The following RAB40B variants were observed in gnomAD, a reference collection of about 807,000 sequenced individuals.
RAB40B encodes the protein RAB40B, member RAS oncogene family.
RAB40B carries 21 observed loss-of-function variants against 24.0 expected under a neutral mutation model. The ratio of observed to expected loss-of-function variants is 0.88; its 90% confidence interval spans 0.62 to 1.26. The LOEUF is 1.26. RAB40B is among the 50% of genes most tolerant of loss of function. RAB40B has a pLI of 0.00. For missense variants in RAB40B, 348 were observed against 390.5 expected, an observed-to-expected ratio of 0.89 and a Z score of 0.92; for synonymous variants, 167 against 169.8, an observed-to-expected ratio of 0.98 and a Z score of 0.13.
Position 82,664,438 on chromosome 17 carries a change from C to G in RAB40B, c.203+58G>C, listed in dbSNP as rs907552622. ...CACTGTGCTGACAGGGGGTGCTATG[C>G]CAGCCAGGGGGGTTACTCCCTGGGG... On this transcript the variant is annotated intron_variant, in intron 2 of 5. Transcript: ENST00000571995. 32 of 1,562,764 alleles carry G rather than the reference C, an allele frequency of 2.0e-5. No homozygotes were observed. In the Middle Eastern group the frequency reaches 9.2e-4, roughly 45 times the overall value.
chr17:82,674,397 C>T (rs1410323240), intron 1 of RAB40B, among the ~76,000 whole-genome samples: 1 of 149,388 alleles, frequency 6.7e-6, no homozygotes, highest in Non-Finnish European at 1.5e-5. Context: ...TTTGGGAGGC[C>T]AAGGTGGGCG....
chr17:82,674,076 C>T (rs568944157), intron 1 of RAB40B, among the ~76,000 whole-genome samples: 4 of 152,340 alleles, frequency 2.6e-5, no homozygotes, highest in African/African-American at 4.8e-5. Context: ...CGCGGTGGCT[C>T]GCGCCTGTAA....
At chr17:82,685,806 CT>C (rs36094405) in intron 1 of RAB40B, among the ~76,000 whole-genome samples, 94,834 of 136,778 alleles carry the variant, frequency 0.69, 33,210 homozygotes, top group Non-Finnish European at 0.78. Context: ...TCTTCTTCTT[CT>C]TTTTTTTTTT....
rs933505714 is a variant in RAB40B at position 82,663,468 on chromosome 17, C to G, written c.203+1028G>C. On this transcript the variant is annotated intron_variant, in intron 2 of 5. Transcript: ENST00000571995. This position sits in a 1 kb window ranked among gnomAD's most constrained non-coding sequence, Gnocchi z 6.2. ...AGAGCTGGAACCGCAGGAGCTCCCCCCATCCCAAGCCAAGAGCGGGTGGAG... is the reference window on the plus strand; with the variant it reads ...AGAGCTGGAACCGCAGGAGCTCCCCGCATCCCAAGCCAAGAGCGGGTGGAG... 5.9e-5 allele frequency among the ~76,000 whole-genome samples: 9 copies of G among 152,136 alleles called. No homozygotes were observed. The highest frequency in any genetic ancestry group is 2.1e-4 in the South Asian group (1 of 4,834).
In RAB40B at chr17:82,664,575, C is replaced by A; in HGVS notation, c.143-19G>T. 1 of 1,611,922 alleles carries A rather than the reference C, an allele frequency of 6.2e-7. No individual in the cohort carries two copies. The highest frequency in any genetic ancestry group is 8.5e-7 in the Non-Finnish European group (1 of 1,178,520). On this transcript the variant is annotated intron_variant, in intron 1 of 5. Transcript: ENST00000571995. ...TCGATGCCTGCGGAAGGGTTAGAGA[C>A]GGCTTAGGCCTGAGGCTGCAGCTAA...
Position 82,667,325 on chromosome 17 carries a change from C to T in RAB40B, c.143-2769G>A, listed in dbSNP as rs936271386. Among the ~76,000 whole-genome samples the T allele has an allele frequency of 6.6e-6, 1 of 152,242 alleles. No homozygotes were observed. Among genetic ancestry groups the T allele is most frequent in the Non-Finnish European group, 1.5e-5 (1 of 68,040 alleles). On this transcript the variant is annotated intron_variant, in intron 1 of 5. Coordinates refer to ENST00000571995, the MANE Select transcript of RAB40B (RefSeq NM_006822.3). The surrounding 1 kb of genome is among the most constrained non-coding windows in gnomAD (Gnocchi z 4.3). Reference sequence around the variant, plus strand: ...CCCACTTGGCTTGGACAGCTGGTCGCCCACATCTTCAGGCAGGCCTGGGCG... The same window carrying T: ...CCCACTTGGCTTGGACAGCTGGTCGTCCACATCTTCAGGCAGGCCTGGGCG...
In RAB40B at chr17:82,692,738, G is replaced by T. The variant is rs1020159124; in HGVS notation, c.142+5717C>A. 1.1e-4 allele frequency among the ~76,000 whole-genome samples: 16 copies of T among 152,154 alleles called. No homozygotes were observed. Among genetic ancestry groups the T allele is most frequent in the African/African-American group, 3.9e-4 (16 of 41,434 alleles). On this transcript the variant is annotated intron_variant, in intron 1 of 5. Transcript: ENST00000571995. The surrounding 1 kb of genome is among the most constrained non-coding windows in gnomAD (Gnocchi z 4.0). ...TTAAATCTGGGAGCAGCAAAGGTTTGTTCAACAGGACCCAAAGTCCTAACC... is the reference window on the plus strand; with the variant it reads ...TTAAATCTGGGAGCAGCAAAGGTTTTTTCAACAGGACCCAAAGTCCTAACC...
intron 1 of RAB40B, among the ~76,000 whole-genome samples, chr17:82,673,112 G>T (rs918236263): frequency 6.6e-6 from 1 of 152,132 alleles, no homozygotes; most frequent in Non-Finnish European, 1.5e-5. Context: ...GCTGAGGCAG[G>T]AGAATCGCTT....
At chr17:82,659,472 C>A in intron 4 of RAB40B, 108 bp downstream of exon 4, 5 of 1,096,480 alleles carry the variant, frequency 4.6e-6, no homozygotes, top group Non-Finnish European at 6.8e-6. Context: ...GTGCCCTGGC[C>A]TGTGATCCAT....
rs527645216 is a variant in RAB40B at position 82,682,331 on chromosome 17, T to C, written c.142+16124A>G. 2.6e-5 allele frequency among the ~76,000 whole-genome samples: 4 copies of C among 152,148 alleles called. No individual in the cohort carries two copies. In the South Asian group the frequency reaches 8.3e-4, roughly 32 times the overall value. ...ACTAGGTACAGTAGCCCCCAAACCA[T>C]GAAATACTTGAGTATAAATCTAAAA... On this transcript the variant is annotated intron_variant, in intron 1 of 5. Transcript: ENST00000571995.
chr17:82,679,858 G>A (rs2046432008), intron 1 of RAB40B, among the ~76,000 whole-genome samples: 1 of 126,470 alleles, frequency 7.9e-6, no homozygotes, highest in South Asian at 2.5e-4. Context: ...CAGTGTCCTG[G>A]AGCGTGGCAG....
chr17:82,669,241 C>T (rs560657406), intron 1 of RAB40B, among the ~76,000 whole-genome samples: 9 of 151,924 alleles, frequency 5.9e-5, no homozygotes, highest in Non-Finnish European at 1.0e-4. Context: ...TTTGGGAGGC[C>T]GAGCGGGGTG....
chr17:82,690,502 G>C (rs950075297), intron 1 of RAB40B, among the ~76,000 whole-genome samples: 4 of 145,928 alleles, frequency 2.7e-5, no homozygotes, highest in Non-Finnish European at 6.0e-5. Flanking sequence ...GGGGAGCAGA[G>C]AGTGTGCACG....
Position 82,658,276 on chromosome 17 carries a change from G to T in RAB40B, c.566-142C>A, listed in dbSNP as rs534805417. On this transcript the variant is annotated intron_variant, in intron 5 of 5. Coordinates refer to ENST00000571995, the MANE Select transcript of RAB40B (RefSeq NM_006822.3). ...GCTTGTACATGCAGCAAGCCCTGCC[G>T]CGACGTCCCCTCTGCCCACGTACAG... 319 of 1,222,002 alleles carry T rather than the reference G, an allele frequency of 2.6e-4. 6 individuals carry two copies. In the South Asian group the frequency reaches 4.6e-3, roughly 18 times the overall value. 75.7% of individuals were successfully genotyped at this position (1,222,002 alleles called of 1,614,324 possible).
intron 1 of RAB40B, among the ~76,000 whole-genome samples, chr17:82,671,310 C>T (rs1343270919): frequency 4.7e-5 from 7 of 148,494 alleles, no homozygotes; most frequent in African/African-American, 1.8e-4. Context: ...CACCCCGTAA[C>T]TCTAACACAC....
In RAB40B at chr17:82,658,696, GGGGACT is replaced by G. The variant is rs748804861; in HGVS notation, c.354_359del (p.Val119_Pro120del). ...GCAGGCGGTTCCCCACCAGGATCTT[GGGGACT>G]CCGGGGGCATGCTAGCGGGCAGGAG... On this transcript the variant is annotated inframe_deletion, in exon 5 of 6. Transcript: ENST00000571995. The G allele has an allele frequency of 1.9e-6, 3 of 1,609,844 alleles. No homozygotes were observed. The African/African-American group carries it at 4.0e-5, about 21-fold the overall frequency.
intron 1 of RAB40B, among the ~76,000 whole-genome samples, chr17:82,676,393 T>C (rs1175219514): frequency 6.6e-5 from 9 of 135,656 alleles, no homozygotes; most frequent in African/African-American, 2.0e-4. Context: ...CAACAGCATC[T>C]CCTCACCCAC....
intron 1 of RAB40B, among the ~76,000 whole-genome samples, chr17:82,685,712 A>G (rs2143539771): frequency 6.6e-6 from 1 of 152,220 alleles, no homozygotes; most frequent in African/African-American, 2.4e-5. Flanking sequence ...TTCACCATCT[A>G]TCTATACTGG....
At chr17:82,660,946 A>C (rs1042662778) in intron 3 of RAB40B, 41 bp downstream of exon 3, 12 of 1,592,116 alleles carry the variant, frequency 7.5e-6, no homozygotes, top group Non-Finnish European at 1.0e-5. Context: ...GTTATTATTC[A>C]AAGTTGGTTT....
Sources: allele counts gnomAD v4.1 joint callset (sites outside exome capture counted in the v4.1 genomes callset), GRCh38; gene constraint gnomAD v4.1.1; non-coding constraint Gnocchi (gnomAD v3.1); transcripts MANE v1.5; gene names NCBI Gene and HGNC (gene_info 2026-07-23, HGNC 2026-07-21).